The following SPSB4 variants were observed in gnomAD, a reference collection of about 807,000 sequenced individuals.
The protein encoded by SPSB4 is splA/ryanodine receptor domain and SOCS box containing 4.
SPSB4 carries 21 observed loss-of-function variants against 20.9 expected under a neutral mutation model. The observed-to-expected ratio is 1.01, with a 90% CI of 0.71 to 1.45. The LOEUF (loss-of-function observed/expected upper bound fraction) is 1.45. Ranked by LOEUF, SPSB4 falls within the 40% of genes most tolerant of loss-of-function variation. The pLI is 0.00. For synonymous variants in SPSB4, 207 were observed against 183.8 expected, an observed-to-expected ratio of 1.13 and a Z score of -1.02; for missense variants, 399 against 399.2, an observed-to-expected ratio of 1.00 and a Z score of 0.00.
chr3:141,065,934 C>G lies in SPSB4; in HGVS notation c.-153-18C>G. 1 of 567,828 alleles carries G rather than the reference C, an allele frequency of 1.8e-6. No individual in the cohort carries two copies. The highest frequency in any genetic ancestry group is 3.0e-6 in the Non-Finnish European group (1 of 334,440). The allele number at this position is 567,828 out of a possible 1,614,324, so 35.2% of individuals were successfully genotyped here. On this transcript the variant is annotated intron_variant, in intron 1 of 2. Coordinates refer to ENST00000310546, the MANE Select transcript of SPSB4 (RefSeq NM_080862.3). The stretch of plus-strand genomic sequence containing the variant: ...GCTGATGCTGCTGCTATAACCCGTG[C>G]CCTTTGCTTCCTTCCAGGAGCTTGG...
intron 2 of SPSB4, among the ~76,000 whole-genome samples, chr3:141,120,832 C>T (rs375723400): frequency 2.0e-5 from 3 of 152,058 alleles, no homozygotes; most frequent in Non-Finnish European, 2.9e-5. Context: ...GTTTCCTGAA[C>T]ACAGCACACT....
rs1938924213 is a variant in SPSB4 at position 141,119,104 on chromosome 3, G to T, written c.695-28038G>T. Among the ~76,000 whole-genome samples the T allele has an allele frequency of 2.0e-5, 3 of 152,138 alleles. No individual in the cohort carries two copies. In the South Asian group the frequency reaches 6.2e-4, roughly 32 times the overall value. On this transcript the variant is annotated intron_variant, in intron 2 of 2. Transcript: ENST00000310546. ...GCAGTATGACTGTTTTCACAATATT[G>T]ACTCTTCCTATCCATGAGTATGGAA...
intron 2 of SPSB4, among the ~76,000 whole-genome samples, chr3:141,092,121 G>A (rs1335469299): frequency 2.6e-5 from 4 of 152,206 alleles, no homozygotes; most frequent in African/African-American, 4.8e-5. Context: ...TGAATCAGAC[G>A]GAGCTAGGTT....
In SPSB4 at chr3:141,067,019, A is replaced by T. The variant is rs563507827; in HGVS notation, c.694+221A>T. ...TCACGATGATAGTAATCTAGCTCAC[A>T]GTTGTAACGATCAAATAAAGTAATA... On this transcript the variant is annotated intron_variant, in intron 2 of 2. Transcript: ENST00000310546. Among the ~76,000 whole-genome samples the T allele has an allele frequency of 2.2e-4, 34 of 152,346 alleles. No individual in the cohort carries two copies. In the South Asian group the frequency reaches 6.0e-3, roughly 27 times the overall value.
intron 2 of SPSB4, 23 bp downstream of exon 2, chr3:141,066,821 G>C (rs760084495): frequency 1.1e-5 from 16 of 1,503,008 alleles, no homozygotes; most frequent in East Asian, 7.0e-5. Flanking sequence ...GGGCTGGGGG[G>C]CAGGGCTTTC....
intron 2 of SPSB4, among the ~76,000 whole-genome samples, chr3:141,135,844 T>C (rs538053683): frequency 5.7e-4 from 87 of 152,336 alleles, no homozygotes; most frequent in African/African-American, 2.0e-3. Context: ...TTATAATCCT[T>C]TGGGTATATA....
At position 141,066,468 on chromosome 3, in the gene SPSB4, G is replaced by T; in HGVS notation, c.364G>T (p.Ala122Ser). The change falls in exon 2 of 3, where the codon GCT becomes TCT. Residue 122 changes from alanine to serine, a missense_variant. Coordinates refer to ENST00000310546, the MANE Select transcript of SPSB4 (RefSeq NM_080862.3). ...HAVVGVATAR[A>S]PLHSVGYTAL... Reference sequence around the variant, plus strand: ...TGTAGTTGGTGTGGCCACGGCCCGTGCTCCCCTGCACTCCGTGGGCTACAC... The same window carrying T: ...TGTAGTTGGTGTGGCCACGGCCCGTTCTCCCCTGCACTCCGTGGGCTACAC... The T allele has an allele frequency of 6.7e-7, 1 of 1,499,286 alleles. No homozygotes were observed. The allele number at this position is 1,499,286 out of a possible 1,614,324, so 92.9% of individuals were successfully genotyped here. A position where few individuals can be genotyped will look rare whatever the true frequency, so the allele number is the denominator to read the frequency against.
intron 2 of SPSB4, among the ~76,000 whole-genome samples, chr3:141,123,557 A>T (rs770161223): frequency 6.6e-6 from 1 of 152,184 alleles, no homozygotes; most frequent in Non-Finnish European, 1.5e-5. Flanking sequence ...GCTGTCCCCA[A>T]ATTCCTCATT....
Position 141,051,399 on chromosome 3 carries a change from C to CGGCGGCGGCGGAGGAGGGGGA in SPSB4, c.-735_-715dup, listed in dbSNP as rs1364560746. On this transcript the variant is annotated 5_prime_UTR_variant, in exon 1 of 3. Transcript: ENST00000310546. ...GCCGGCCGGGAAGGCGGGGAGCGGG[C>CGGCGGCGGCGGAGGAGGGGGA]GGCGGCGGCGGAGGAGGGGGAGGCG... The CGGCGGCGGCGGAGGAGGGGGA allele has an allele frequency of 6.4e-6, 1 of 155,996 alleles. No homozygotes were observed. The highest frequency in any genetic ancestry group is 1.4e-5 in the Non-Finnish European group (1 of 70,742). 9.7% of individuals were successfully genotyped at this position (155,996 alleles called of 1,614,324 possible).
At chr3:141,066,868 C>T in intron 2 of SPSB4, 70 bp downstream of exon 2, 1 of 1,422,508 alleles carries the variant, frequency 7.0e-7, no homozygotes, top group Non-Finnish European at 9.3e-7. Flanking sequence ...GGGCAGGCCA[C>T]ACCTCCATCG....
At chr3:141,131,621 T>C (rs964830540) in intron 2 of SPSB4, among the ~76,000 whole-genome samples, 1 of 152,214 alleles carries the variant, frequency 6.6e-6, no homozygotes, top group Admixed American at 6.5e-5. Flanking sequence ...CACTCAAAGT[T>C]ATGTCGAAAG....
intron 2 of SPSB4, among the ~76,000 whole-genome samples, chr3:141,083,840 C>G (rs747739709): frequency 1.1e-4 from 16 of 152,054 alleles, no homozygotes; most frequent in Non-Finnish European, 2.4e-4. Flanking sequence ...GCAATCCTCA[C>G]AGGCCTTTTT....
intron 2 of SPSB4, among the ~76,000 whole-genome samples, chr3:141,067,240 ATG>A (rs1937906326): frequency 6.6e-6 from 1 of 152,238 alleles, no homozygotes; most frequent in Non-Finnish European, 1.5e-5. Context: ...CTTAAATGCC[ATG>A]TACTCAAGTT....
At chr3:141,119,798 C>T (rs569959905) in intron 2 of SPSB4, among the ~76,000 whole-genome samples, 1 of 151,936 alleles carries the variant, frequency 6.6e-6, no homozygotes, top group Non-Finnish European at 1.5e-5. Flanking sequence ...TGATTCTTCT[C>T]TCATTTCTTC....
At chr3:141,101,850 G>A (rs919879784) in intron 2 of SPSB4, among the ~76,000 whole-genome samples, 6 of 152,122 alleles carry the variant, frequency 3.9e-5, no homozygotes, top group Admixed American at 2.6e-4. Flanking sequence ...TCGTTTCCAC[G>A]CACCAGCCCT....
At chr3:141,142,709 T>C (rs972958671) in intron 2 of SPSB4, among the ~76,000 whole-genome samples, 2 of 151,962 alleles carry the variant, frequency 1.3e-5, no homozygotes, top group African/African-American at 4.8e-5. Flanking sequence ...TTTTATAAAT[T>C]TGGGAGCTCC....
chr3:141,060,756 T>G (rs554088301), intron 1 of SPSB4, among the ~76,000 whole-genome samples: 21 of 152,260 alleles, frequency 1.4e-4, no homozygotes, highest in Non-Finnish European at 2.1e-4. Context: ...TATGAGTCTG[T>G]CTTCTGTTCC....
chr3:141,147,039 C>A, intron 2 of SPSB4, 103 bp from the exon 3 acceptor site: 1 of 1,516,624 alleles, frequency 6.6e-7, no homozygotes, highest in Non-Finnish European at 9.0e-7. Flanking sequence ...ACCCTGAAGG[C>A]CAGCTCAGAG....
chr3:141,134,609 T>C (rs1939194413), intron 2 of SPSB4, among the ~76,000 whole-genome samples: 1 of 152,216 alleles, frequency 6.6e-6, no homozygotes, highest in Non-Finnish European at 1.5e-5. Flanking sequence ...GTTTATGTGA[T>C]GTATCACATT....
Sources: gnomAD v4.1 joint callset for allele counts (sites outside exome capture counted in the v4.1 genomes callset) on GRCh38, gnomAD v4.1.1 for gene constraint, MANE v1.5 for transcripts, NCBI Gene and HGNC (gene_info 2026-07-23, HGNC 2026-07-21) for gene names.